PIKFYVE: variants seen among roughly 807,000 people sequenced by gnomAD.
The protein encoded by PIKFYVE is 1-phosphatidylinositol 3-phosphate 5-kinase.
Under a neutral mutation model 257.9 loss-of-function variants are expected in PIKFYVE, and 122 were observed. The observed-to-expected ratio is 0.47, with a 90% CI of 0.41 to 0.55. The LOEUF is 0.55. Ranked by LOEUF, PIKFYVE falls within the 20% of genes least tolerant of loss-of-function variation. The pLI is 0.00. For synonymous variants in PIKFYVE, 892 were observed against 868.9 expected, an observed-to-expected ratio of 1.03 and a Z score of -0.47; for missense variants, 2,160 against 2,536.6, an observed-to-expected ratio of 0.85 and a Z score of 3.19.
chr2:208,271,036 C>CA lies in PIKFYVE; in HGVS notation c.-9-458dup, dbSNP rs199927508. On this transcript the variant is annotated intron_variant, in intron 1 of 41. Coordinates refer to ENST00000264380, the MANE Select transcript of PIKFYVE (RefSeq NM_015040.4). The stretch of plus-strand genomic sequence containing the variant: ...GGGCGACAGAGCAAGACTCCATCTC[C>CA]AAAAAAAAAAAAAAAAAGTTGAAAT... Among the ~76,000 whole-genome samples the CA allele has an allele frequency of 7.1e-3, 569 of 80,268 alleles. 5 individuals carry two copies. The highest frequency in any genetic ancestry group is 0.017 in the African/African-American group (363 of 21,502). 52.7% of individuals were successfully genotyped at this position (80,268 alleles called of 152,430 possible). A position where few individuals can be genotyped will look rare whatever the true frequency, so the allele number is the denominator to read the frequency against.
Position 208,355,250 on chromosome 2 carries a change from A to G in PIKFYVE, c.6242A>G (p.Asp2081Gly). 1.2e-6 allele frequency: 2 copies of G among 1,614,084 alleles called. No individual in the cohort carries two copies. Among genetic ancestry groups the G allele is most frequent in the Non-Finnish European group, 1.7e-6 (2 of 1,179,926 alleles). Residue 2081 changes from aspartate to glycine, a missense_variant, in exon 42 of 42, where the codon GAC (aspartate) becomes GGC (glycine). Asp to Gly is a moderately conservative substitution (Grantham distance 94). Coordinates refer to ENST00000264380, the MANE Select transcript of PIKFYVE (RefSeq NM_015040.4). ...AGGACTAGGTTTTGTGAGGCAATGG[A>G]CAAGTATTTCCTAATGGTACCAGAC... is the stretch of plus-strand genomic sequence containing the variant. ...LYRTRFCEAM[D>G]KYFLMVPDHW... is the part of the protein sequence containing the mutation.
intron 5 of PIKFYVE, among the ~76,000 whole-genome samples, chr2:208,281,026 C>T (rs1307497755): frequency 6.6e-6 from 1 of 152,208 alleles, no homozygotes; most frequent in Non-Finnish European, 1.5e-5. Context: ...GTAGTTCCTG[C>T]TGTAATTTCT....
At chr2:208,286,015 T>A in intron 6 of PIKFYVE, 82 bp downstream of exon 6, 1 of 1,318,318 alleles carries the variant, frequency 7.6e-7, no homozygotes, top group South Asian at 1.2e-5. Context: ...CAGTTAACAC[T>A]TACCCTCTTA....
chr2:208,312,107 C>T (rs905361445), intron 12 of PIKFYVE, 129 bp from the exon 13 acceptor site: 16 of 707,374 alleles, frequency 2.3e-5, no homozygotes, highest in Admixed American at 4.5e-5. Flanking sequence ...TTGAATTTGC[C>T]GGGCAGTGAT....
At chr2:208,349,215 C>T (rs13407268) in intron 35 of PIKFYVE, among the ~76,000 whole-genome samples, 22,449 of 152,094 alleles carry the variant, frequency 0.15, 1,782 homozygotes, top group African/African-American at 0.2. Flanking sequence ...ATTAAGATAT[C>T]TGTTTAGTAT....
chr2:208,319,400 T>G (rs1290738887), intron 16 of PIKFYVE, among the ~76,000 whole-genome samples: 1 of 152,240 alleles, frequency 6.6e-6, no homozygotes. Flanking sequence ...AAAGGAGAAC[T>G]TTAAACCAAA....
chr2:208,337,645 A>T (rs1029965285), intron 28 of PIKFYVE, among the ~76,000 whole-genome samples: 8 of 152,096 alleles, frequency 5.3e-5, no homozygotes, highest in African/African-American at 1.9e-4. Flanking sequence ...CCAGGAAGCG[A>T]GCTACTATTT....
At chr2:208,349,881 T>G (rs1699608674) in intron 35 of PIKFYVE, 143 bp from the exon 36 acceptor site, 2 of 1,236,584 alleles carry the variant, frequency 1.6e-6, no homozygotes, top group African/African-American at 1.5e-5. Context: ...GTATATCTTA[T>G]GCTTGCTTGA....
chr2:208,318,334 C>T (rs1348055533), intron 16 of PIKFYVE, among the ~76,000 whole-genome samples: 2 of 152,170 alleles, frequency 1.3e-5, no homozygotes, highest in African/African-American at 4.8e-5. Context: ...ACAGAACTGT[C>T]AGTCTTCTTC....
intron 15 of PIKFYVE, among the ~76,000 whole-genome samples, chr2:208,316,664 C>T (rs1193552737): frequency 7.9e-5 from 12 of 152,106 alleles, no homozygotes; most frequent in Non-Finnish European, 1.2e-4. Flanking sequence ...AAAAAGAGCC[C>T]GCATCGCCAA....
intron 2 of PIKFYVE, among the ~76,000 whole-genome samples, chr2:208,272,867 C>T (rs902015885): frequency 1.3e-5 from 2 of 152,034 alleles, no homozygotes; most frequent in Admixed American, 1.3e-4. Flanking sequence ...TCCGTATACT[C>T]CCATACCCAG....
Position 208,276,933 on chromosome 2 carries a change from C to T in PIKFYVE, c.441+103C>T, listed in dbSNP as rs572302441. The T allele has an allele frequency of 1.3e-4, 120 of 891,572 alleles. 1 individual carries two copies. The highest frequency in any genetic ancestry group is 1.1e-3 in the Middle Eastern group (5 of 4,436). The allele number at this position is 891,572 out of a possible 1,614,324, so 55.2% of individuals were successfully genotyped here. A position where few individuals can be genotyped will look rare whatever the true frequency, so the allele number is the denominator to read the frequency against. On this transcript the variant is annotated intron_variant, in intron 4 of 41. Transcript: ENST00000264380. The stretch of plus-strand genomic sequence containing the variant: ...TGCCACTGAAAGAAAGCTTAATTAG[C>T]GCTTCCTCCAGCTGTGAGCACCCTA...
chr2:208,341,826 GA>G (rs1248355962), intron 31 of PIKFYVE, among the ~76,000 whole-genome samples: 2 of 151,878 alleles, frequency 1.3e-5, no homozygotes, highest in African/African-American at 2.4e-5. Context: ...AATTTTGTGG[GA>G]GCTGGGAGGG....
chr2:208,344,500 A>G lies in PIKFYVE; in HGVS notation c.5028-611A>G, dbSNP rs373222621. On this transcript the variant is annotated intron_variant, in intron 32 of 41. Coordinates refer to ENST00000264380, the MANE Select transcript of PIKFYVE (RefSeq NM_015040.4). Reference sequence around the variant, plus strand: ...TAGTCATAATATATTAATAGGTAAGAAAGGTAAGAGAGTCAACCAAATCAA... The same window carrying G: ...TAGTCATAATATATTAATAGGTAAGGAAGGTAAGAGAGTCAACCAAATCAA... Among the ~76,000 whole-genome samples, 167 of 152,284 alleles carry G rather than the reference A, an allele frequency of 1.1e-3. 3 individuals are homozygous for G. In the South Asian group the frequency reaches 0.033, roughly 30 times the overall value.
intron 34 of PIKFYVE, among the ~76,000 whole-genome samples, chr2:208,347,613 TTCTA>T (rs1346316924): frequency 2.6e-5 from 4 of 152,332 alleles, no homozygotes; most frequent in East Asian, 1.9e-4. Context: ...AGTGTTAACC[TTCTA>T]TCTTTTTTTA....
At chr2:208,283,411 C>G (rs1398314600) in intron 5 of PIKFYVE, among the ~76,000 whole-genome samples, 1 of 152,180 alleles carries the variant, frequency 6.6e-6, no homozygotes, top group African/African-American at 2.4e-5. Flanking sequence ...GAACTTTCTT[C>G]ATGAAATGAA....
chr2:208,295,667 T>C (rs989607536), intron 7 of PIKFYVE, among the ~76,000 whole-genome samples: 1 of 152,210 alleles, frequency 6.6e-6, no homozygotes, highest in Admixed American at 6.5e-5. Context: ...CAATCTGTTA[T>C]GTTATAAAGG....
chr2:208,290,226 A>T (rs1056771046), intron 7 of PIKFYVE, among the ~76,000 whole-genome samples: 3 of 152,182 alleles, frequency 2.0e-5, no homozygotes, highest in Non-Finnish European at 2.9e-5. Context: ...TCATTGTTGT[A>T]TCCTACGGAA....
intron 28 of PIKFYVE, among the ~76,000 whole-genome samples, chr2:208,337,817 G>C (rs1450411743): frequency 6.6e-6 from 1 of 152,112 alleles, no homozygotes; most frequent in Admixed American, 6.6e-5. Context: ...TGCCTTCCGA[G>C]TTCAAGCAAT....
Sources: gnomAD v4.1 joint callset for allele counts (sites outside exome capture counted in the v4.1 genomes callset) on GRCh38, gnomAD v4.1.1 for gene constraint, MANE v1.5 for transcripts, NCBI Gene and HGNC (gene_info 2026-07-23, HGNC 2026-07-21) for gene names.